The following PTPRT variants were observed in gnomAD, a reference collection of about 807,000 sequenced individuals.
PTPRT encodes protein tyrosine phosphatase receptor type T.
Under a neutral mutation model 176.8 loss-of-function variants are expected in PTPRT, and 56 were observed. The observed-to-expected ratio is 0.32, with a 90% CI of 0.26 to 0.40. The LOEUF (loss-of-function observed/expected upper bound fraction) is 0.40. Ranked by LOEUF, PTPRT falls within the 10% of genes least tolerant of loss-of-function variation. PTPRT has a pLI of 1.00. For synonymous variants in PTPRT, 783 were observed against 739.0 expected (o/e 1.06, Z -0.96); for missense variants, 1,540 against 1,908.2 (o/e 0.81, Z 3.60).
intron 7 of PTPRT, among the ~76,000 whole-genome samples, chr20:42,631,965 A>T (rs1016154273): frequency 6.6e-6 from 1 of 152,088 alleles, no homozygotes; most frequent in Non-Finnish European, 1.5e-5. Context: ...TTATGCAAAC[A>T]ATGTGATTTA....
intron 7 of PTPRT, among the ~76,000 whole-genome samples, chr20:42,538,099 G>C (rs897446191): frequency 6.6e-6 from 1 of 151,706 alleles, no homozygotes; most frequent in African/African-American, 2.4e-5. Context: ...TTATCTTACA[G>C]ATGTGGAAAG....
chr20:42,222,650 T>C (rs2055911906), intron 15 of PTPRT, among the ~76,000 whole-genome samples: 1 of 152,200 alleles, frequency 6.6e-6, no homozygotes, highest in Non-Finnish European at 1.5e-5. Context: ...GCTGAACGCG[T>C]GGAGGTTCCT....
intron 14 of PTPRT, among the ~76,000 whole-genome samples, chr20:42,247,750 G>A (rs374931324): frequency 1.3e-5 from 2 of 152,154 alleles, no homozygotes; most frequent in African/African-American, 4.8e-5. Flanking sequence ...TAAGGTTGGG[G>A]CCCTGGCATT....
At chr20:42,092,747 A>G (rs1353157289) in intron 27 of PTPRT, among the ~76,000 whole-genome samples, 2 of 152,208 alleles carry the variant, frequency 1.3e-5, no homozygotes, top group African/African-American at 2.4e-5. Flanking sequence ...TATTTGCCCT[A>G]GAGGCACAAT....
chr20:42,886,749 C>T (rs2079109261), intron 1 of PTPRT, among the ~76,000 whole-genome samples: 1 of 152,220 alleles, frequency 6.6e-6, no homozygotes, highest in African/African-American at 2.4e-5. Context: ...ATCAAGGTGA[C>T]ATTGAGAGAG....
Position 42,825,464 on chromosome 20 carries a change from G to GA in PTPRT, c.215-33999dup, listed in dbSNP as rs528803181. Among the ~76,000 whole-genome samples the GA allele has an allele frequency of 5.0e-4, 76 of 151,590 alleles. 1 individual carries two copies. The South Asian group carries it at 0.012, about 23-fold the overall frequency. ...ATGTTAATGATAGAATTCTAAATGAGAAAAAAAAGCCATGTAACAGGACTT... is the reference window on the plus strand; with the variant it reads ...ATGTTAATGATAGAATTCTAAATGAGAAAAAAAAAGCCATGTAACAGGACTT... On this transcript the variant is annotated intron_variant, in intron 2 of 30. Transcript: ENST00000373187.
At chr20:42,331,528 C>T (rs530512650) in intron 11 of PTPRT, among the ~76,000 whole-genome samples, 21 of 151,858 alleles carry the variant, frequency 1.4e-4, no homozygotes, top group Middle Eastern at 3.2e-3. Flanking sequence ...TTAAATTAAT[C>T]GTAATAGCAG....
intron 13 of PTPRT, among the ~76,000 whole-genome samples, chr20:42,270,684 G>A (rs2056920042): frequency 6.6e-6 from 1 of 152,142 alleles, no homozygotes; most frequent in Non-Finnish European, 1.5e-5. Context: ...CGACATGCCA[G>A]GTACTTTTCT....
chr20:42,503,114 T>C (rs2071782107), intron 7 of PTPRT, among the ~76,000 whole-genome samples: 1 of 152,038 alleles, frequency 6.6e-6, no homozygotes, highest in Non-Finnish European at 1.5e-5. Context: ...TTGGTGTGTT[T>C]TTTTATGCCT....
chr20:43,096,592 C>G (rs746891540), intron 1 of PTPRT, among the ~76,000 whole-genome samples: 1 of 152,244 alleles, frequency 6.6e-6, no homozygotes, highest in Admixed American at 6.5e-5. Flanking sequence ...TCCCGCCCCC[C>G]ATCCACAGCT....
At chr20:42,251,354 C>A (rs2056548232) in intron 13 of PTPRT, among the ~76,000 whole-genome samples, 1 of 152,072 alleles carries the variant, frequency 6.6e-6, no homozygotes. Flanking sequence ...AGTAAGTGAT[C>A]ATAAATACCC....
intron 1 of PTPRT, among the ~76,000 whole-genome samples, chr20:43,016,179 T>G (rs1985361356): frequency 6.6e-6 from 1 of 152,034 alleles, no homozygotes; most frequent in South Asian, 2.1e-4. Flanking sequence ...TGGAGCAAGG[T>G]CCCCACTGGG....
intron 2 of PTPRT, among the ~76,000 whole-genome samples, chr20:42,811,647 C>T (rs573305044): frequency 1.3e-5 from 2 of 152,136 alleles, no homozygotes; most frequent in South Asian, 2.1e-4. Flanking sequence ...CACACTTCCC[C>T]TCAACTTCTC....
chr20:42,904,501 G>A (rs1193343914), intron 1 of PTPRT, among the ~76,000 whole-genome samples: 1 of 152,112 alleles, frequency 6.6e-6, no homozygotes, highest in Non-Finnish European at 1.5e-5. Context: ...GTCTACCACA[G>A]TACCAAGGCA....
intron 2 of PTPRT, among the ~76,000 whole-genome samples, chr20:42,809,667 G>C (rs1020660701): frequency 6.6e-6 from 1 of 152,128 alleles, no homozygotes; most frequent in African/African-American, 2.4e-5. Flanking sequence ...GCCCGTGGTG[G>C]TGTCTGGTGC....
At chr20:42,099,931 G>A (rs1985763778) in intron 26 of PTPRT, among the ~76,000 whole-genome samples, 1 of 152,212 alleles carries the variant, frequency 6.6e-6, no homozygotes, top group Non-Finnish European at 1.5e-5. Context: ...TCTAGCTGTA[G>A]ACAGCATCAA....
chr20:42,973,413 C>T (rs1206571166), intron 1 of PTPRT, among the ~76,000 whole-genome samples: 1 of 152,106 alleles, frequency 6.6e-6, no homozygotes, highest in Non-Finnish European at 1.5e-5. Flanking sequence ...TTGCAATCTC[C>T]ACCCCACTTC....
chr20:42,500,234 A>G (rs546893757), intron 7 of PTPRT, among the ~76,000 whole-genome samples: 185 of 152,182 alleles, frequency 1.2e-3, no homozygotes, highest in Non-Finnish European at 2.2e-3. Flanking sequence ...GCATCTCTGA[A>G]TTTCCACAAA....
At chr20:42,461,891 T>C (rs772446163) in intron 8 of PTPRT, among the ~76,000 whole-genome samples, 3 of 151,678 alleles carry the variant, frequency 2.0e-5, no homozygotes, top group Non-Finnish European at 4.4e-5. Flanking sequence ...TTAATCTTTT[T>C]AAAGATGGGA....
Sources: gnomAD v4.1 joint callset for allele counts (sites outside exome capture counted in the v4.1 genomes callset) on GRCh38, gnomAD v4.1.1 for gene constraint, MANE v1.5 for transcripts, NCBI Gene and HGNC (gene_info 2026-07-23, HGNC 2026-07-21) for gene names.